Variants in NRXN1 observed in about 807,000 individuals in gnomAD.
The protein encoded by NRXN1 is neurexin 1.
NRXN1 carries 39 observed loss-of-function variants against 150.9 expected under a neutral mutation model. That is an observed-to-expected ratio of 0.26 (90% CI 0.20 to 0.34). The LOEUF (loss-of-function observed/expected upper bound fraction) is 0.34, where lower values mean the gene tolerates loss of function less well. Among genes scored for constraint, NRXN1 ranks in the 10% least tolerant of loss-of-function variants. The probability of loss-of-function intolerance (pLI) is 1.00; values close to 1 mark genes in which losing one functional copy is unlikely to be tolerated. For missense variants in NRXN1, 1,815 were observed against 1,949.9 expected (o/e 0.93, Z 1.30); for synonymous variants, 924 against 757.0 (o/e 1.22, Z -3.62).
chr2:50,594,957 C>A (rs1386546869), intron 8 of NRXN1, among the ~76,000 whole-genome samples: 4 of 150,836 alleles, frequency 2.7e-5, no homozygotes, highest in African/African-American at 4.9e-5. Context: ...CCTCTGAGCA[C>A]TGAGAGGAAT....
Position 50,531,214 on chromosome 2 carries a change from G to C in NRXN1, c.2347+13C>G. The C allele has an allele frequency of 6.2e-7, 1 of 1,606,764 alleles. No individual in the cohort carries two copies. The highest frequency in any genetic ancestry group is 8.5e-7 in the Non-Finnish European group (1 of 1,175,220). On this transcript the variant is annotated intron_variant, in intron 11 of 22. Transcript: ENST00000401669. ...AAAAAGTGTTAGTTCAATGGGGGAA[G>C]GCAGGTTGTTACCTAGATTGACCGT...
chr2:50,980,655 A>C (rs563375420), intron 2 of NRXN1, among the ~76,000 whole-genome samples: 1 of 152,238 alleles, frequency 6.6e-6, no homozygotes, highest in South Asian at 2.1e-4. Flanking sequence ...TGTACACAAT[A>C]ATGCATTTTA....
chr2:50,008,047 C>T (rs1685058893), intron 21 of NRXN1, among the ~76,000 whole-genome samples: 1 of 152,158 alleles, frequency 6.6e-6, no homozygotes, highest in Non-Finnish European at 1.5e-5. Context: ...ACAAAATTTA[C>T]TTATTCTCTT....
intron 18 of NRXN1, among the ~76,000 whole-genome samples, chr2:50,126,855 T>G (rs1416548302): frequency 6.6e-6 from 1 of 152,064 alleles, no homozygotes; most frequent in Non-Finnish European, 1.5e-5. Context: ...TGCCCCATCT[T>G]TTTAAATTAT....
At chr2:50,876,026 C>G (rs1678540138) in intron 5 of NRXN1, among the ~76,000 whole-genome samples, 1 of 151,812 alleles carries the variant, frequency 6.6e-6, no homozygotes, top group African/African-American at 2.4e-5. Context: ...TCACTCCTGA[C>G]AGGGATTCTG....
chr2:50,523,891 T>C (rs2092868357), intron 12 of NRXN1, among the ~76,000 whole-genome samples: 1 of 152,206 alleles, frequency 6.6e-6, no homozygotes, highest in Non-Finnish European at 1.5e-5. Context: ...GTGTTGTCTC[T>C]GCCTCTTAAA....
At chr2:50,267,950 G>A (rs2069095558) in intron 17 of NRXN1, among the ~76,000 whole-genome samples, 1 of 152,124 alleles carries the variant, frequency 6.6e-6, no homozygotes, top group African/African-American at 2.4e-5. Context: ...AGCAATTTGG[G>A]AGGCAGAGGC....
chr2:50,948,035 T>G (rs1163879324), intron 2 of NRXN1, among the ~76,000 whole-genome samples: 1 of 151,428 alleles, frequency 6.6e-6, no homozygotes, highest in Admixed American at 6.6e-5. Flanking sequence ...CCTGGCAAGT[T>G]ATTTATTTTA....
chr2:50,341,052 G>A (rs1239938127), intron 17 of NRXN1, among the ~76,000 whole-genome samples: 2 of 152,012 alleles, frequency 1.3e-5, no homozygotes, highest in African/African-American at 4.8e-5. Context: ...AATTAGTGCA[G>A]GCTTTCCCTT....
Position 50,405,533 on chromosome 2 carries a change from T to C in NRXN1, c.3364+59909A>G, listed in dbSNP as rs578039914. Among the ~76,000 whole-genome samples the C allele has an allele frequency of 1.7e-3, 258 of 152,268 alleles. 2 individuals are homozygous for C. The highest frequency in any genetic ancestry group is 5.9e-3 in the African/African-American group (244 of 41,580). ...TAAAACAAAACTTCTTTCTATTGTGTCACAGTAATCCACCTGTTGGTAGCA... is the reference window on the plus strand; with the variant it reads ...TAAAACAAAACTTCTTTCTATTGTGCCACAGTAATCCACCTGTTGGTAGCA... On this transcript the variant is annotated intron_variant, in intron 17 of 22. Transcript: ENST00000401669.
chr2:51,030,879 C>CTTTT (rs61452371), intron 1 of NRXN1, among the ~76,000 whole-genome samples: 1 of 147,100 alleles, frequency 6.8e-6, no homozygotes, highest in East Asian at 2.0e-4. Flanking sequence ...GTTAGAAAAC[C>CTTTT]TTTTTTTTTT....
At chr2:50,099,672 T>C (rs530239147) in intron 18 of NRXN1, among the ~76,000 whole-genome samples, 38 of 152,164 alleles carry the variant, frequency 2.5e-4, no homozygotes, top group African/African-American at 6.8e-4. Flanking sequence ...TTAATTAAAA[T>C]ATTGCTTCAA....
chr2:50,649,265 C>A (rs865970964), intron 5 of NRXN1, among the ~76,000 whole-genome samples: 1 of 132,964 alleles, frequency 7.5e-6, no homozygotes, highest in East Asian at 2.0e-4. Context: ...CACATACACA[C>A]ACACACACAC....
chr2:50,472,813 GTGTGTGTGTGTGTGTGTATA>G (rs1236802506), intron 15 of NRXN1, among the ~76,000 whole-genome samples: 1 of 129,946 alleles, frequency 7.7e-6, no homozygotes, highest in South Asian at 2.8e-4. Context: ...GTGTGTGTGT[GTGTGTGTGTGTGTGTGTATA>G]TATATATATA....
intron 5 of NRXN1, among the ~76,000 whole-genome samples, chr2:50,899,882 A>G (rs1017460000): frequency 6.6e-6 from 1 of 152,220 alleles, no homozygotes; most frequent in Non-Finnish European, 1.5e-5. Flanking sequence ...CTAATTAGAA[A>G]GAATTTTTGA....
chr2:50,865,545 G>GA (rs1676759586), intron 5 of NRXN1, among the ~76,000 whole-genome samples: 1 of 145,178 alleles, frequency 6.9e-6, no homozygotes, highest in African/African-American at 2.6e-5. Flanking sequence ...GAATTATTCT[G>GA]TCTCTGCCTT....
chr2:50,466,027 C>G (rs759503), intron 16 of NRXN1, among the ~76,000 whole-genome samples: 137,711 of 151,778 alleles, frequency 0.91, 62,712 homozygotes, highest in African/African-American at 0.94. Context: ...GGTTTCCAAA[C>G]GATAAAGTTA....
chr2:50,067,975 G>C (rs1695614266), intron 19 of NRXN1, among the ~76,000 whole-genome samples: 1 of 152,024 alleles, frequency 6.6e-6, no homozygotes, highest in African/African-American at 2.4e-5. Context: ...TTTTAATCTA[G>C]TCTTCTTAAT....
At chr2:50,258,374 C>A (rs2067923833) in intron 17 of NRXN1, among the ~76,000 whole-genome samples, 1 of 152,052 alleles carries the variant, frequency 6.6e-6, no homozygotes. Flanking sequence ...GAGTACATTT[C>A]ATCTCATGAA....
Sources: allele counts gnomAD v4.1 joint callset (sites outside exome capture counted in the v4.1 genomes callset), GRCh38; gene constraint gnomAD v4.1.1; transcripts MANE v1.5; gene names NCBI Gene and HGNC (gene_info 2026-07-23, HGNC 2026-07-21).